Variants in CCSER1 observed in about 807,000 individuals in gnomAD.
CCSER1 encodes coiled-coil serine rich protein 1, also known as serine-rich coiled-coil domain-containing protein 1.
In CCSER1, 41 loss-of-function variants were observed where a neutral mutation model predicts 82.0. The observed-to-expected ratio is 0.50, with a 90% confidence interval of 0.39 to 0.65. CCSER1 has a LOEUF of 0.65. Ranked by LOEUF, CCSER1 falls within the 30% of genes least tolerant of loss-of-function variation. The probability of loss-of-function intolerance (pLI) is 0.00; values close to 1 mark genes in which losing one functional copy is unlikely to be tolerated. For missense variants in CCSER1, 1,119 were observed against 1,064.2 expected, an observed-to-expected ratio of 1.05 and a Z score of -0.72; for synonymous variants, 414 against 383.9, an observed-to-expected ratio of 1.08 and a Z score of -0.92.
chr4:90,396,794 TTTC>T (rs1397186416), intron 3 of CCSER1, among the ~76,000 whole-genome samples: 1 of 152,116 alleles, frequency 6.6e-6, no homozygotes, highest in African/African-American at 2.4e-5. Flanking sequence ...GTTTTATGTC[TTTC>T]TTCTTTTCTT....
intron 10 of CCSER1, among the ~76,000 whole-genome samples, chr4:91,344,136 G>C (rs1300722605): frequency 6.6e-6 from 1 of 152,126 alleles, no homozygotes; most frequent in South Asian, 2.1e-4. Flanking sequence ...AGTCTTAAGG[G>C]CTTCGCCAGC....
intron 10 of CCSER1, among the ~76,000 whole-genome samples, chr4:91,434,765 G>A (rs1443328112): frequency 6.6e-6 from 1 of 152,128 alleles, no homozygotes; most frequent in African/African-American, 2.4e-5. Flanking sequence ...ATATTCCTAT[G>A]ATACAAATGA....
intron 5 of CCSER1, among the ~76,000 whole-genome samples, chr4:90,584,623 G>T (rs1044922643): frequency 1.3e-5 from 2 of 152,128 alleles, no homozygotes; most frequent in African/African-American, 2.4e-5. Flanking sequence ...AATTTGTTTT[G>T]CAGTGATAGA....
chr4:91,161,383 T>C (rs1581677435), intron 10 of CCSER1, among the ~76,000 whole-genome samples: 1 of 152,124 alleles, frequency 6.6e-6, no homozygotes, highest in South Asian at 2.1e-4. Context: ...CTTGGCAATG[T>C]GGGCTCTTTT....
chr4:90,941,096 T>G (rs1385628585), intron 9 of CCSER1, among the ~76,000 whole-genome samples: 1 of 152,132 alleles, frequency 6.6e-6, no homozygotes, highest in African/African-American at 2.4e-5. Flanking sequence ...CTACCTACTA[T>G]GCCTAAGGTG....
At chr4:91,170,575 C>G (rs1409480893) in intron 10 of CCSER1, among the ~76,000 whole-genome samples, 2 of 152,126 alleles carry the variant, frequency 1.3e-5, no homozygotes, top group Non-Finnish European at 2.9e-5. Flanking sequence ...TAGGCTTGAA[C>G]CACTTTTGAC....
intron 7 of CCSER1, among the ~76,000 whole-genome samples, chr4:90,767,325 G>A (rs557566863): frequency 7.8e-4 from 118 of 152,000 alleles, no homozygotes; most frequent in African/African-American, 2.7e-3. Context: ...TTCATGAAAG[G>A]CAGCATAATG....
chr4:91,368,066 T>C (rs1256422291), intron 10 of CCSER1, among the ~76,000 whole-genome samples: 1 of 152,200 alleles, frequency 6.6e-6, no homozygotes, highest in East Asian at 1.9e-4. Flanking sequence ...ATAATGATAG[T>C]ATTTTTCCAT....
At chr4:90,687,181 C>G (rs553804468) in intron 6 of CCSER1, among the ~76,000 whole-genome samples, 4 of 152,204 alleles carry the variant, frequency 2.6e-5, no homozygotes, top group Non-Finnish European at 1.5e-5. Flanking sequence ...ATTATTCTCT[C>G]AATGTCTAAA....
At chr4:91,443,174 A>G (rs1280927296) in intron 10 of CCSER1, among the ~76,000 whole-genome samples, 1 of 152,040 alleles carries the variant, frequency 6.6e-6, no homozygotes, top group Non-Finnish European at 1.5e-5. Flanking sequence ...ACATGCACAC[A>G]TATGTTTATT....
In CCSER1 at chr4:90,309,018, C is replaced by T. The variant is rs1255659915; in HGVS notation, c.734C>T (p.Pro245Leu). The T allele has an allele frequency of 6.2e-7, 1 of 1,613,706 alleles. No homozygotes were observed. The highest frequency in any genetic ancestry group is 8.5e-7 in the Non-Finnish European group (1 of 1,179,852). The change falls in exon 2 of 11, where the codon CCT (proline) becomes CTT (leucine). Residue 245 changes from proline (P) to leucine (L), a missense_variant. Pro to Leu is a moderately conservative substitution (Grantham distance 98, BLOSUM62 -3). Transcript: ENST00000509176. ...TERAGSSLQS[P>L]LLSADLTTAQ... ...CGGGCAGGAAGCTCTTTACAATCTC[C>T]TTTGCTTTCTGCTGATCTTACCACA...
At chr4:90,593,247 CA>C (rs1172444186) in intron 5 of CCSER1, among the ~76,000 whole-genome samples, 1 of 151,596 alleles carries the variant, frequency 6.6e-6, no homozygotes, top group Non-Finnish European at 1.5e-5. Flanking sequence ...AAGGAGCAAA[CA>C]AAAAAAATCC....
At chr4:91,231,693 T>A (rs1367885658) in intron 10 of CCSER1, among the ~76,000 whole-genome samples, 2 of 151,822 alleles carry the variant, frequency 1.3e-5, no homozygotes, top group Non-Finnish European at 3.0e-5. Context: ...GATAGTTATA[T>A]ATATAAAGTT....
chr4:90,618,302 C>T (rs11936145), intron 5 of CCSER1, among the ~76,000 whole-genome samples: 315 of 152,014 alleles, frequency 2.1e-3, no homozygotes, highest in African/African-American at 7.5e-3. Flanking sequence ...TACAGGACAA[C>T]AATTTTCTTT....
intron 10 of CCSER1, among the ~76,000 whole-genome samples, chr4:91,487,407 G>T (rs1317515800): frequency 6.6e-6 from 1 of 152,090 alleles, no homozygotes; most frequent in Non-Finnish European, 1.5e-5. Flanking sequence ...AGTTTTATGT[G>T]TGGAAACAAA....
intron 10 of CCSER1, among the ~76,000 whole-genome samples, chr4:91,154,829 T>C (rs1239945999): frequency 1.3e-5 from 2 of 152,018 alleles, no homozygotes; most frequent in Non-Finnish European, 2.9e-5. Flanking sequence ...GGCGCAGTTT[T>C]AAGTGCTCAT....
intron 9 of CCSER1, among the ~76,000 whole-genome samples, chr4:90,995,945 CTG>C (rs1258231734): frequency 1.3e-5 from 2 of 151,970 alleles, no homozygotes; most frequent in Non-Finnish European, 2.9e-5. Context: ...AGCATCACCT[CTG>C]TGTATAATTT....
At chr4:90,974,091 G>A (rs1359315882) in intron 9 of CCSER1, among the ~76,000 whole-genome samples, 1 of 151,366 alleles carries the variant, frequency 6.6e-6, no homozygotes, top group Admixed American at 6.6e-5. Flanking sequence ...TTGAATAAAC[G>A]GTAGAAAGCT....
intron 10 of CCSER1, among the ~76,000 whole-genome samples, chr4:91,251,303 A>T (rs1485224732): frequency 6.6e-6 from 1 of 152,120 alleles, no homozygotes; most frequent in Non-Finnish European, 1.5e-5. Flanking sequence ...GGAGAGAAAG[A>T]TCATTTCCCT....
Sources: gnomAD v4.1 joint callset for allele counts (sites outside exome capture counted in the v4.1 genomes callset) on GRCh38, gnomAD v4.1.1 for gene constraint, MANE v1.5 for transcripts, NCBI Gene and HGNC (gene_info 2026-07-23, HGNC 2026-07-21) for gene names.